TMTC2: variants seen among roughly 807,000 people sequenced by gnomAD.
The protein encoded by TMTC2 is transmembrane O-mannosyltransferase targeting cadherins 2.
A neutral mutation model predicts 82.4 loss-of-function variants in TMTC2; 43 were observed. That is an observed-to-expected ratio of 0.52 (90% CI 0.41 to 0.67). The LOEUF is 0.67. TMTC2 is among the 30% of genes least tolerant of loss of function. The pLI, the probability that TMTC2 is intolerant of heterozygous loss-of-function variation, is 0.00. For missense variants in TMTC2, 919 were observed against 1,012.4 expected (o/e 0.91, Z 1.25); for synonymous variants, 408 against 381.9 (o/e 1.07, Z -0.80).
At chr12:82,835,344 TTTG>T (rs1248674250) in intron 1 of TMTC2, among the ~76,000 whole-genome samples, 1 of 152,174 alleles carries the variant, frequency 6.6e-6, no homozygotes, top group Non-Finnish European at 1.5e-5. Flanking sequence ...TGCACTGTAT[TTTG>T]TTGTTGTTCT....
intron 1 of TMTC2, among the ~76,000 whole-genome samples, chr12:82,753,044 C>T (rs891465192): frequency 2.0e-5 from 3 of 151,998 alleles, no homozygotes; most frequent in Non-Finnish European, 2.9e-5. Flanking sequence ...TTTGAATGAG[C>T]GGCTCTCTTA....
chr12:82,837,625 T>C (rs1398107682), intron 1 of TMTC2, among the ~76,000 whole-genome samples: 3 of 152,208 alleles, frequency 2.0e-5, no homozygotes, highest in South Asian at 2.1e-4. Context: ...TTTTGGTCGA[T>C]AGAAAAGTCA....
At chr12:82,708,527 T>C (rs17009863) in intron 1 of TMTC2, among the ~76,000 whole-genome samples, 5,096 of 152,258 alleles carry the variant, frequency 0.033, 185 homozygotes, top group East Asian at 0.12. Flanking sequence ...ACAGGTTTTG[T>C]CCCAACTAAT....
rs181478002 is a variant in TMTC2 at position 82,793,381 on chromosome 12, T to C, written c.84-63629T>C. The stretch of plus-strand genomic sequence containing the variant: ...CCAGTCTTTTTTCTTTTTTTTTTTT[T>C]CAAAATTAGAATATATCTTCAGTTC... On this transcript the variant is annotated intron_variant, in intron 1 of 11. Transcript: ENST00000321196. Among the ~76,000 whole-genome samples, 464 of 151,580 alleles carry C rather than the reference T, an allele frequency of 3.1e-3. 26 individuals are homozygous for C. In the East Asian group the frequency reaches 0.081, roughly 27 times the overall value.
chr12:82,790,612 T>G (rs1326797857), intron 1 of TMTC2, among the ~76,000 whole-genome samples: 2 of 151,992 alleles, frequency 1.3e-5, no homozygotes, highest in East Asian at 3.9e-4. Flanking sequence ...GAGGATCACC[T>G]GAGGTCAGGA....
chr12:83,007,465 G>T (rs1173346038), intron 8 of TMTC2, among the ~76,000 whole-genome samples: 2 of 151,924 alleles, frequency 1.3e-5, no homozygotes, highest in Non-Finnish European at 2.9e-5. Flanking sequence ...CATGGTGGTT[G>T]CCCTGGAGTT....
At chr12:82,905,970 AAAAG>A (rs1874281704) in intron 3 of TMTC2, among the ~76,000 whole-genome samples, 1 of 151,990 alleles carries the variant, frequency 6.6e-6, no homozygotes, top group African/African-American at 2.4e-5. Context: ...AGAGAAAGGA[AAAAG>A]AGAGAGTCAA....
intron 8 of TMTC2, among the ~76,000 whole-genome samples, chr12:82,996,014 A>C (rs1879601563): frequency 2.0e-5 from 3 of 152,220 alleles, no homozygotes; most frequent in Non-Finnish European, 4.4e-5. Flanking sequence ...TAAATGCCTG[A>C]CTTCAAAATG....
intron 1 of TMTC2, among the ~76,000 whole-genome samples, chr12:82,704,459 C>T (rs1283294088): frequency 1.3e-5 from 2 of 152,046 alleles, no homozygotes; most frequent in African/African-American, 4.8e-5. Flanking sequence ...AGCTTACCTA[C>T]TGCATTTGAA....
intron 11 of TMTC2, among the ~76,000 whole-genome samples, chr12:83,100,306 T>G (rs921537563): frequency 2.0e-5 from 3 of 152,192 alleles, no homozygotes; most frequent in Non-Finnish European, 2.9e-5. Context: ...CCTCCTCTAT[T>G]ACTTATTCCC....
chr12:82,965,324 A>G (rs1308957752), intron 5 of TMTC2, among the ~76,000 whole-genome samples: 1 of 152,058 alleles, frequency 6.6e-6, no homozygotes, highest in Non-Finnish European at 1.5e-5. Context: ...TTACTCAACT[A>G]TATTTTAAGC....
chr12:82,720,267 T>C (rs1874141359), intron 1 of TMTC2, among the ~76,000 whole-genome samples: 1 of 152,182 alleles, frequency 6.6e-6, no homozygotes, highest in African/African-American at 2.4e-5. Context: ...ACGAATATAC[T>C]GTCTATATAA....
chr12:83,021,167 T>A (rs1880904231), intron 8 of TMTC2, among the ~76,000 whole-genome samples: 1 of 152,172 alleles, frequency 6.6e-6, no homozygotes, highest in Admixed American at 6.6e-5. Context: ...CCCTTGGCAT[T>A]CTTGCAAGTC....
chr12:82,964,207 C>A (rs1450628184), intron 4 of TMTC2, among the ~76,000 whole-genome samples: 1 of 151,812 alleles, frequency 6.6e-6, no homozygotes, highest in East Asian at 2.0e-4. Context: ...GGCCAAAAAG[C>A]CCTCTGTGCG....
chr12:83,067,431 G>A (rs1467041152), intron 11 of TMTC2, among the ~76,000 whole-genome samples: 2 of 151,988 alleles, frequency 1.3e-5, no homozygotes, highest in East Asian at 1.9e-4. Context: ...GACTGAAAAT[G>A]TGTCCAAGGT....
At chr12:83,091,685 C>T (rs1032083631) in intron 11 of TMTC2, among the ~76,000 whole-genome samples, 3 of 152,116 alleles carry the variant, frequency 2.0e-5, no homozygotes, top group African/African-American at 7.2e-5. Context: ...TTCTGTGAGA[C>T]TTGATTTTCA....
chr12:83,088,309 CT>C (rs569006326), intron 11 of TMTC2, among the ~76,000 whole-genome samples: 1 of 152,164 alleles, frequency 6.6e-6, no homozygotes, highest in East Asian at 1.9e-4. Flanking sequence ...ACAATTACAT[CT>C]TTTTTTTGTA....
intron 7 of TMTC2, among the ~76,000 whole-genome samples, chr12:82,979,449 A>G (rs1344552481): frequency 6.6e-6 from 1 of 151,792 alleles, no homozygotes; most frequent in Non-Finnish European, 1.5e-5. Context: ...ATAAACAAGA[A>G]AATAGAAAAT....
chr12:82,703,106 G>A (rs529868140), intron 1 of TMTC2, among the ~76,000 whole-genome samples: 1 of 152,268 alleles, frequency 6.6e-6, no homozygotes, highest in African/African-American at 2.4e-5. Flanking sequence ...CTGAGTGGGA[G>A]GATCACTTGA....
Sources: gnomAD v4.1 joint callset for allele counts (sites outside exome capture counted in the v4.1 genomes callset) on GRCh38, gnomAD v4.1.1 for gene constraint, MANE v1.5 for transcripts, NCBI Gene and HGNC (gene_info 2026-07-23, HGNC 2026-07-21) for gene names.